The following LRFN2 variants were observed in gnomAD, a reference collection of about 807,000 sequenced individuals.
The protein encoded by LRFN2 is leucine rich repeat and fibronectin type III domain containing 2.
Under a neutral mutation model 37.3 loss-of-function variants are expected in LRFN2, and 18 were observed. The ratio of observed to expected loss-of-function variants is 0.48; its 90% CI spans 0.33 to 0.72. The LOEUF (loss-of-function observed/expected upper bound fraction) is 0.72, where lower values mean the gene tolerates loss of function less well. Ranked by LOEUF, LRFN2 falls within the 30% of genes least tolerant of loss-of-function variation. The probability of loss-of-function intolerance (pLI) is 0.02; values close to 1 mark genes in which losing one functional copy is unlikely to be tolerated. For missense variants in LRFN2, 1,006 were observed against 1,060.7 expected, an observed-to-expected ratio of 0.95 and a Z score of 0.72; for synonymous variants, 556 against 466.6, an observed-to-expected ratio of 1.19 and a Z score of -2.47.
At chr6:40,418,338 A>G (rs1763142204) in intron 2 of LRFN2, among the ~76,000 whole-genome samples, 1 of 152,028 alleles carries the variant, frequency 6.6e-6, no homozygotes, top group Non-Finnish European at 1.5e-5. Flanking sequence ...GTCTCGTTAC[A>G]CTGCTTATTT....
Position 40,431,919 on chromosome 6 carries a change from T to C in LRFN2, c.1195A>G (p.Ile399Val). The change falls in exon 2 of 3, where the codon ATC becomes GTC. Residue 399 changes from isoleucine to valine, a missense_variant. Transcript: ENST00000338305. The stretch of plus-strand genomic sequence containing the variant: ...CGGCTGGTCTTGCTGGAGCCAGTGA[T>C]GTCTGAGAGGCGGGACTTGGGGGGT... Reference protein sequence around the residue: ...TAPPKSRLSDITGSSKTSRGG... With the variant: ...TAPPKSRLSDVTGSSKTSRGG... 2 of 1,613,442 alleles carry C rather than the reference T, an allele frequency of 1.2e-6. No homozygotes were observed. Among genetic ancestry groups the C allele is most frequent in the Non-Finnish European group, 1.7e-6 (2 of 1,179,790 alleles).
intron 1 of LRFN2, among the ~76,000 whole-genome samples, chr6:40,485,692 C>T (rs1319226754): frequency 2.0e-5 from 3 of 152,210 alleles, no homozygotes; most frequent in African/African-American, 7.2e-5. Context: ...AGGTAGAGTA[C>T]ACCCAACGTC....
intron 1 of LRFN2, among the ~76,000 whole-genome samples, chr6:40,553,500 G>A (rs1307903035): frequency 6.6e-6 from 1 of 152,304 alleles, no homozygotes; most frequent in South Asian, 2.1e-4. Flanking sequence ...GACAAGTGAA[G>A]GATGGCACTT....
At chr6:40,417,618 G>A (rs764987543) in intron 2 of LRFN2, among the ~76,000 whole-genome samples, 1 of 152,158 alleles carries the variant, frequency 6.6e-6, no homozygotes, top group African/African-American at 2.4e-5. Context: ...TGATGGCGTG[G>A]GATGCTCTGC....
intron 1 of LRFN2, among the ~76,000 whole-genome samples, chr6:40,559,659 C>T (rs772938611): frequency 5.3e-5 from 8 of 152,118 alleles, no homozygotes; most frequent in Non-Finnish European, 1.2e-4. Context: ...CTGGCTAGGA[C>T]CAGAGTCCCT....
intron 2 of LRFN2, among the ~76,000 whole-genome samples, chr6:40,397,672 A>C (rs1271257228): frequency 2.6e-5 from 4 of 152,212 alleles, no homozygotes. Context: ...GAATGGGCAG[A>C]TGGCACTTCC....
rs1581725072 is a variant in LRFN2 at position 40,463,314 on chromosome 6, AT to A, written c.-18-30184del. ...ATATCTCTCTACCTCTGCAACCAGA[AT>A]GCTAATTTGGAGGCTCTTTATCTCT... On this transcript the variant is annotated intron_variant, in intron 1 of 2. Coordinates refer to ENST00000338305, the MANE Select transcript of LRFN2 (RefSeq NM_020737.3). 2.6e-5 allele frequency among the ~76,000 whole-genome samples: 4 copies of A among 152,202 alleles called. No homozygotes were observed. In the East Asian group the frequency reaches 7.7e-4, roughly 29 times the overall value.
At chr6:40,570,294 T>C (rs545360399) in intron 1 of LRFN2, among the ~76,000 whole-genome samples, 72 of 152,330 alleles carry the variant, frequency 4.7e-4, no homozygotes, top group African/African-American at 1.7e-3. Flanking sequence ...CTAATATTTA[T>C]TGAGCACTTG....
At chr6:40,429,876 A>G (rs181130880) in intron 2 of LRFN2, among the ~76,000 whole-genome samples, 35 of 152,354 alleles carry the variant, frequency 2.3e-4, no homozygotes, top group Admixed American at 2.3e-3. Context: ...GCAAGCTGTA[A>G]TGTTGAGTGG....
intron 1 of LRFN2, among the ~76,000 whole-genome samples, chr6:40,523,006 G>T (rs1766131161): frequency 6.6e-6 from 1 of 152,210 alleles, no homozygotes; most frequent in Non-Finnish European, 1.5e-5. Flanking sequence ...TAGCAAATCT[G>T]CCATCAGAAT....
rs182815642 is a variant in LRFN2 at position 40,552,099 on chromosome 6, G to A, written c.-19+34842C>T. 3.4e-4 allele frequency among the ~76,000 whole-genome samples: 52 copies of A among 152,238 alleles called. 1 individual carries two copies. The highest frequency in any genetic ancestry group is 2.7e-3 in the South Asian group (13 of 4,814). ...TCTTTTTGTTTCATTCTCTAACACC[G>A]TGGTTCTCAAAGTGTGGTCTTCAAT... On this transcript the variant is annotated intron_variant, in intron 1 of 2. Transcript: ENST00000338305.
intron 1 of LRFN2, among the ~76,000 whole-genome samples, chr6:40,536,586 G>C (rs766863139): frequency 6.6e-6 from 1 of 152,190 alleles, no homozygotes; most frequent in Non-Finnish European, 1.5e-5. Flanking sequence ...TGGGAAATGA[G>C]GAGCCTGTTT....
At chr6:40,455,731 A>G (rs565854595) in intron 1 of LRFN2, among the ~76,000 whole-genome samples, 35 of 152,138 alleles carry the variant, frequency 2.3e-4, no homozygotes, top group Non-Finnish European at 4.0e-4. Context: ...GAAGGGGAGG[A>G]GGTGGGACTT....
chr6:40,570,812 G>A (rs897392896), intron 1 of LRFN2, among the ~76,000 whole-genome samples: 1 of 152,214 alleles, frequency 6.6e-6, no homozygotes, highest in African/African-American at 2.4e-5. Context: ...AAAAGAACAT[G>A]ATCTTTTCTA....
At chr6:40,506,740 A>T (rs1356985946) in intron 1 of LRFN2, among the ~76,000 whole-genome samples, 1 of 152,218 alleles carries the variant, frequency 6.6e-6, no homozygotes, top group East Asian at 1.9e-4. Flanking sequence ...GGGATCAACC[A>T]TGCCTCACTT....
intron 1 of LRFN2, among the ~76,000 whole-genome samples, chr6:40,506,489 G>A (rs73734508): frequency 0.068 from 10,285 of 152,184 alleles, 734 homozygotes; most frequent in African/African-American, 0.17. Context: ...GAACTGTGAC[G>A]CTAGGAGTGG....
chr6:40,448,514 C>T (rs1004295187), intron 1 of LRFN2, among the ~76,000 whole-genome samples: 2 of 152,156 alleles, frequency 1.3e-5, no homozygotes, highest in Admixed American at 6.5e-5. Context: ...TTGCATCCTC[C>T]GTCAGCCCTA....
intron 1 of LRFN2, among the ~76,000 whole-genome samples, chr6:40,524,864 C>G (rs1183847995): frequency 6.6e-6 from 1 of 152,194 alleles, no homozygotes; most frequent in Non-Finnish European, 1.5e-5. Context: ...AGTCAGGGGT[C>G]AGTGATTCTA....
At chr6:40,439,546 G>T (rs1329146859) in intron 1 of LRFN2, among the ~76,000 whole-genome samples, 2 of 152,284 alleles carry the variant, frequency 1.3e-5, no homozygotes, top group Admixed American at 1.3e-4. Flanking sequence ...GTTGCTGGGG[G>T]TGAATGCTGC....
Sources: gnomAD v4.1 joint callset for allele counts (sites outside exome capture counted in the v4.1 genomes callset) on GRCh38, gnomAD v4.1.1 for gene constraint, MANE v1.5 for transcripts, NCBI Gene and HGNC (gene_info 2026-07-23, HGNC 2026-07-21) for gene names.